EXTL2: variants seen among roughly 807,000 people sequenced by gnomAD.
EXTL2 encodes the protein exostosin-like 2.
A neutral mutation model predicts 30.7 loss-of-function variants in EXTL2; 23 were observed. The ratio of observed to expected loss-of-function variants is 0.75; its 90% CI spans 0.54 to 1.06. The LOEUF (loss-of-function observed/expected upper bound fraction) is 1.06, where lower values mean the gene tolerates loss of function less well. Ranked by LOEUF, EXTL2 falls within the 50% of genes least tolerant of loss-of-function variation. The probability of loss-of-function intolerance (pLI) is 0.00; values close to 1 mark genes in which losing one functional copy is unlikely to be tolerated. For missense variants in EXTL2, 352 were observed against 396.3 expected (o/e 0.89, Z 0.95); for synonymous variants, 123 against 133.8 (o/e 0.92, Z 0.56).
chr1:100,875,503 T>C (rs1410094623), intron 4 of EXTL2, among the ~76,000 whole-genome samples: 4 of 151,790 alleles, frequency 2.6e-5, no homozygotes, highest in Non-Finnish European at 5.9e-5. Flanking sequence ...TTATACAATC[T>C]AGGAGAATGA....
At chr1:100,874,847 T>C (rs1212990957) in intron 4 of EXTL2, among the ~76,000 whole-genome samples, 1 of 152,088 alleles carries the variant, frequency 6.6e-6, no homozygotes, top group African/African-American at 2.4e-5. Flanking sequence ...GTATATAAAA[T>C]TATGGACCTA....
At chr1:100,884,466 G>C (rs549885224) in intron 2 of EXTL2, among the ~76,000 whole-genome samples, 147 of 152,334 alleles carry the variant, frequency 9.6e-4, no homozygotes, top group African/African-American at 3.4e-3. Context: ...AAAATTGGAA[G>C]AGACGGCTCT....
intron 1 of EXTL2, among the ~76,000 whole-genome samples, chr1:100,889,358 C>T (rs904298211): frequency 9.9e-5 from 15 of 152,190 alleles, no homozygotes; most frequent in African/African-American, 3.4e-4. Context: ...CATCCCACAA[C>T]AAGTGGGGAT....
chr1:100,874,221 A>G lies in EXTL2; in HGVS notation c.714T>C (p.Asp238=), dbSNP rs12028119. The change falls in exon 5 of 5, where the codon GAT becomes GAC. Residue 238 remains aspartate (D), a synonymous_variant. Coordinates refer to ENST00000370114, the MANE Select transcript of EXTL2 (RefSeq NM_001033025.3). The part of the protein sequence containing the change: ...RQPAAVHALI[D]DTQNCDDIAM... ...CAATATCATCACAGTTTTGAGTATC[A>G]TCTATCAAAGCATGGACAGCTGCAG... The G allele has an allele frequency of 1.5e-3, 2,455 of 1,612,910 alleles. 36 individuals are homozygous for G. The East Asian group carries it at 0.036, about 23-fold the overall frequency.
At chr1:100,876,759 T>C (rs767067632) in intron 4 of EXTL2, 35 bp downstream of exon 4, 1 of 1,517,428 alleles carries the variant, frequency 6.6e-7, no homozygotes, top group South Asian at 1.1e-5. Flanking sequence ...CAAGATCTTA[T>C]AAAGACGGTT....
At chr1:100,884,136 T>C (rs902132789) in intron 2 of EXTL2, among the ~76,000 whole-genome samples, 3 of 152,196 alleles carry the variant, frequency 2.0e-5, no homozygotes, top group African/African-American at 4.8e-5. Context: ...ACAAAGATTA[T>C]GTTCTCTGAC....
At chr1:100,881,479 C>A (rs996516456) in intron 2 of EXTL2, among the ~76,000 whole-genome samples, 2 of 152,200 alleles carry the variant, frequency 1.3e-5, no homozygotes, top group African/African-American at 4.8e-5. Flanking sequence ...AACATAAGCA[C>A]CTCAGTTCTC....
intron 1 of EXTL2, among the ~76,000 whole-genome samples, chr1:100,889,261 C>A (rs577445272): frequency 3.9e-5 from 6 of 152,186 alleles, no homozygotes; most frequent in Non-Finnish European, 5.9e-5. Flanking sequence ...ACTTTTATAA[C>A]CATCAGATCT....
chr1:100,879,090 A>T (rs1166383318), intron 2 of EXTL2, among the ~76,000 whole-genome samples: 1 of 152,202 alleles, frequency 6.6e-6, no homozygotes. Flanking sequence ...TCCCTTGCTT[A>T]TATGAGAAAA....
chr1:100,891,770 T>C (rs1328715059), intron 1 of EXTL2, among the ~76,000 whole-genome samples: 4 of 152,230 alleles, frequency 2.6e-5, no homozygotes, highest in Non-Finnish European at 4.4e-5. Flanking sequence ...GCTGGTAATA[T>C]TTAGAATTCC....
intron 2 of EXTL2, among the ~76,000 whole-genome samples, chr1:100,884,352 G>T (rs2100947761): frequency 6.6e-6 from 1 of 152,260 alleles, no homozygotes; most frequent in Non-Finnish European, 1.5e-5. Flanking sequence ...GAATGTAGAT[G>T]CTCAGAAAAG....
At chr1:100,889,429 AC>A (rs1650239229) in intron 1 of EXTL2, among the ~76,000 whole-genome samples, 1 of 152,156 alleles carries the variant, frequency 6.6e-6, no homozygotes, top group Non-Finnish European at 1.5e-5. Flanking sequence ...ATATCATTCT[AC>A]CCCGGCCCCT....
Position 100,888,806 on chromosome 1 carries a change from G to C in EXTL2, c.-49C>G. 1 of 1,461,146 alleles carries C rather than the reference G, an allele frequency of 6.8e-7. No homozygotes were observed. The highest frequency in any genetic ancestry group is 9.4e-7 in the Non-Finnish European group (1 of 1,067,588). The allele number at this position is 1,461,146 out of a possible 1,614,324, so 90.5% of individuals were successfully genotyped here. ...AAATCTCCTTATAGCTTCAGTAATT[G>C]ACAGAAGCAGGCTCACTTGTCACTA... On this transcript the variant is annotated 5_prime_UTR_variant, in exon 2 of 5. Coordinates refer to ENST00000370114, the MANE Select transcript of EXTL2 (RefSeq NM_001033025.3).
intron 1 of EXTL2, among the ~76,000 whole-genome samples, chr1:100,890,330 A>C (rs956183032): frequency 6.6e-6 from 1 of 152,156 alleles, no homozygotes; most frequent in Admixed American, 6.5e-5. Flanking sequence ...CAGCCCATGA[A>C]ACCATTTTTC....
rs114890727 is a variant in EXTL2, at chr1:100,877,360, G to A, written c.433+116C>T. The A allele has an allele frequency of 7.0e-4, 649 of 930,506 alleles. 8 individuals are homozygous for A. The African/African-American group carries it at 9.9e-3, about 14-fold the overall frequency. The allele number at this position is 930,506 out of a possible 1,614,324, so 57.6% of individuals were successfully genotyped here. On this transcript the variant is annotated intron_variant, in intron 3 of 4. Transcript: ENST00000370114. The surrounding 1 kb of genome is among the most constrained non-coding windows in gnomAD (Gnocchi z 4.1). ...CAAGCTTTCCAAAGTGCTTTCTTAG[G>A]ACTAACTTCCTTCATTTTTCTCCAG... is the stretch of plus-strand genomic sequence containing the variant.
Position 100,877,681 on chromosome 1 carries a change from T to A in EXTL2, c.228A>T (p.Thr76=), listed in dbSNP as rs1649233684. ...FTLIMQTYNR[T]DLLLKLLNHY... The stretch of plus-strand genomic sequence containing the variant: ...GATTTAAAAGTTTCAATAAGAGATC[T>A]GTTCTGTTGTACGTCTGCATTATGA... Residue 76 remains threonine (T), a synonymous_variant, in exon 3 of 5, where the codon ACA becomes ACT. Transcript: ENST00000370114. The surrounding 1 kb of genome is among the most constrained non-coding windows in gnomAD (Gnocchi z 4.1). 10 of 1,613,628 alleles carry A rather than the reference T, an allele frequency of 6.2e-6. No homozygotes were observed. Among genetic ancestry groups the A allele is most frequent in the Non-Finnish European group, 8.5e-6 (10 of 1,179,678 alleles).
intron 2 of EXTL2, among the ~76,000 whole-genome samples, chr1:100,887,207 A>G (rs1377502022): frequency 3.3e-5 from 5 of 152,220 alleles, no homozygotes. Context: ...CTTTTATCCA[A>G]TATTGGTTTT....
At chr1:100,875,339 G>T (rs1381199279) in intron 4 of EXTL2, among the ~76,000 whole-genome samples, 2 of 151,888 alleles carry the variant, frequency 1.3e-5, no homozygotes, top group East Asian at 3.9e-4. Context: ...TGCAAACAAG[G>T]AAATACAATA....
intron 2 of EXTL2, among the ~76,000 whole-genome samples, chr1:100,887,976 G>A (rs939666777): frequency 6.6e-6 from 1 of 152,206 alleles, no homozygotes; most frequent in African/African-American, 2.4e-5. Context: ...GGAATTACAG[G>A]CGTGAGCCAC....
Sources: gnomAD v4.1 joint callset for allele counts (sites outside exome capture counted in the v4.1 genomes callset) on GRCh38, gnomAD v4.1.1 for gene constraint, Gnocchi (gnomAD v3.1) non-coding constraint, MANE v1.5 for transcripts, NCBI Gene and HGNC (gene_info 2026-07-23, HGNC 2026-07-21) for gene names.